TYW1B: variants seen among roughly 807,000 people sequenced by gnomAD.
TYW1B encodes the protein tRNA-yW synthesizing protein 1 homolog B.
In TYW1B, 73 loss-of-function variants were observed where a neutral mutation model predicts 86.9. That is an observed-to-expected ratio of 0.84 (90% CI 0.70 to 1.02). The LOEUF (loss-of-function observed/expected upper bound fraction) is 1.02. TYW1B is among the 50% of genes least tolerant of loss of function. The pLI, the probability that TYW1B is intolerant of heterozygous loss-of-function variation, is 0.00. For missense variants in TYW1B, 637 were observed against 827.4 expected, an observed-to-expected ratio of 0.77 and a Z score of 2.82; for synonymous variants, 248 against 292.8, an observed-to-expected ratio of 0.85 and a Z score of 1.56.
chr7:72,650,427 T>C (rs1162629434), intron 11 of TYW1B, among the ~76,000 whole-genome samples: 1 of 152,118 alleles, frequency 6.6e-6, no homozygotes, highest in African/African-American at 2.4e-5. Flanking sequence ...TCTGGAATGA[T>C]AGGAAGATGA....
chr7:72,582,118 C>A (rs1811169025), intron 13 of TYW1B, among the ~76,000 whole-genome samples: 1 of 148,416 alleles, frequency 6.7e-6, no homozygotes. Context: ...CCATAAGACC[C>A]AATTTAAAAC....
chr7:72,683,708 A>G (rs1220763039), intron 11 of TYW1B, among the ~76,000 whole-genome samples: 1 of 152,230 alleles, frequency 6.6e-6, no homozygotes, highest in African/African-American at 2.4e-5. Context: ...CACATTCAGT[A>G]ACAAGAAGTT....
rs1812560322 is a variant in TYW1B, at chr7:72,632,495, T to C, written c.1507-3498A>G. Reference sequence around the variant, plus strand: ...TATAAAATATATATATACACATATATACATATATATTATATATATTCCTAA... The same window carrying C: ...TATAAAATATATATATACACATATACACATATATATTATATATATTCCTAA... On this transcript the variant is annotated intron_variant, in intron 11 of 13. Transcript: ENST00000620995. Among the ~76,000 whole-genome samples the C allele has an allele frequency of 5.2e-5, 7 of 133,552 alleles. No individual in the cohort carries two copies. The South Asian group carries it at 1.6e-3, about 30-fold the overall frequency. 87.6% of individuals were successfully genotyped at this position (133,552 alleles called of 152,430 possible). A position where few individuals can be genotyped will look rare whatever the true frequency, so the allele number is the denominator to read the frequency against.
intron 6 of TYW1B, among the ~76,000 whole-genome samples, chr7:72,792,185 C>T (rs1462904566): frequency 3.3e-5 from 5 of 150,842 alleles, no homozygotes; most frequent in South Asian, 2.1e-4. Flanking sequence ...AAACTAGTTG[C>T]GCATGGTGGC....
At chr7:72,720,768 C>T (rs1466139510) in intron 9 of TYW1B, among the ~76,000 whole-genome samples, 2 of 151,942 alleles carry the variant, frequency 1.3e-5, no homozygotes, top group Non-Finnish European at 2.9e-5. Flanking sequence ...TATTATTATA[C>T]CTTAAGTTCT....
chr7:72,648,810 C>A (rs2129569165), intron 11 of TYW1B, among the ~76,000 whole-genome samples: 1 of 152,076 alleles, frequency 6.6e-6, no homozygotes, highest in East Asian at 1.9e-4. Context: ...GAGGGTGAAA[C>A]CACAAGAAGA....
chr7:72,617,959 C>G (rs1247403925), intron 12 of TYW1B, among the ~76,000 whole-genome samples: 1 of 152,054 alleles, frequency 6.6e-6, no homozygotes, highest in African/African-American at 2.4e-5. Flanking sequence ...TTTTCTAATA[C>G]TAAAAGATTT....
intron 11 of TYW1B, among the ~76,000 whole-genome samples, chr7:72,679,178 G>A (rs782759791): frequency 1.7e-4 from 26 of 152,180 alleles, no homozygotes; most frequent in Non-Finnish European, 3.5e-4. Context: ...TAATGCAGTA[G>A]TCTCATAAGT....
chr7:72,749,502 C>T (rs1256147600), intron 7 of TYW1B, among the ~76,000 whole-genome samples: 4 of 152,136 alleles, frequency 2.6e-5, no homozygotes, highest in African/African-American at 7.2e-5. Flanking sequence ...CTGTATTAGC[C>T]AGGATGGTCT....
At chr7:72,620,171 C>A (rs1554437708) in intron 12 of TYW1B, among the ~76,000 whole-genome samples, 2 of 151,880 alleles carry the variant, frequency 1.3e-5, no homozygotes, top group African/African-American at 4.8e-5. Context: ...CTGAGGCGGG[C>A]AGATCACTTG....
chr7:72,782,021 T>C (rs555857373), intron 6 of TYW1B, among the ~76,000 whole-genome samples: 56 of 152,326 alleles, frequency 3.7e-4, no homozygotes, highest in Non-Finnish European at 4.3e-4. Context: ...CAGTGGCTCA[T>C]GCCTGTAAAC....
chr7:72,700,543 C>A (rs1431007336), intron 10 of TYW1B, among the ~76,000 whole-genome samples: 2 of 152,118 alleles, frequency 1.3e-5, no homozygotes, highest in African/African-American at 4.8e-5. Context: ...GGTTATTTAA[C>A]AGTGTGTTGT....
At chr7:72,648,222 C>T (rs531952628) in intron 11 of TYW1B, among the ~76,000 whole-genome samples, 3 of 152,028 alleles carry the variant, frequency 2.0e-5, no homozygotes, top group South Asian at 2.1e-4. Context: ...GCCTGATCTC[C>T]GCTATCCATT....
chr7:72,652,237 G>C (rs1227234331), intron 11 of TYW1B, among the ~76,000 whole-genome samples: 1 of 151,826 alleles, frequency 6.6e-6, no homozygotes, highest in Non-Finnish European at 1.5e-5. Context: ...CATTAGCTGG[G>C]TGTGGTGGCA....
intron 13 of TYW1B, among the ~76,000 whole-genome samples, chr7:72,602,833 AAC>A (rs55709140): frequency 0.025 from 3,176 of 127,796 alleles, 47 homozygotes; most frequent in African/African-American, 0.05. Flanking sequence ...AAGTGCTCAA[AAC>A]ACACACACAC....
Position 72,770,771 on chromosome 7 carries a change from T to A in TYW1B, c.964+6645A>T, listed in dbSNP as rs1404352728. Among the ~76,000 whole-genome samples, 13 of 152,098 alleles carry A rather than the reference T, an allele frequency of 8.5e-5. 1 individual carries two copies. The highest frequency in any genetic ancestry group is 3.9e-4 in the Admixed American group (6 of 15,248). The stretch of plus-strand genomic sequence containing the variant: ...CCAAAAATTAAAAGCAGACCAAATG[T>A]CTATTTACAGCTCTTTAAAAACTGG... On this transcript the variant is annotated intron_variant, in intron 7 of 13. Coordinates refer to ENST00000620995, the MANE Select transcript of TYW1B (RefSeq NM_001145440.3).
At chr7:72,649,939 G>T (rs1282071013) in intron 11 of TYW1B, among the ~76,000 whole-genome samples, 10 of 152,074 alleles carry the variant, frequency 6.6e-5, no homozygotes, top group Admixed American at 6.6e-4. Context: ...GCCCAGACTG[G>T]AGTGCAGCGG....
intron 8 of TYW1B, among the ~76,000 whole-genome samples, chr7:72,742,606 T>C (rs1787324653): frequency 6.6e-6 from 1 of 152,202 alleles, no homozygotes; most frequent in South Asian, 2.1e-4. Flanking sequence ...TTGACTATTA[T>C]TGAGTCAAAT....
rs1270475732 is a variant in TYW1B at position 72,763,277 on chromosome 7, CTTTTCTTTTTTT to C, written c.964+14127_964+14138del. ...GGGTTAAGGTTTTGTTTTTTCTTTT[CTTTTCTTTTTTT>C]TTTTTTTTTTGAGATGGAGTCTTGC... On this transcript the variant is annotated intron_variant, in intron 7 of 13. Transcript: ENST00000620995. 2.7e-5 allele frequency among the ~76,000 whole-genome samples: 3 copies of C among 111,622 alleles called. 1 individual carries two copies. The highest frequency in any genetic ancestry group is 3.9e-5 in the Non-Finnish European group (2 of 51,256). The allele number at this position is 111,622 out of a possible 152,430, so 73.2% of individuals were successfully genotyped here.
Sources: gnomAD v4.1 joint callset for allele counts (sites outside exome capture counted in the v4.1 genomes callset) on GRCh38, gnomAD v4.1.1 for gene constraint, MANE v1.5 for transcripts, NCBI Gene and HGNC (gene_info 2026-07-23, HGNC 2026-07-21) for gene names.